RAPGEF2: variants seen among roughly 807,000 people sequenced by gnomAD.
RAPGEF2 encodes Rap guanine nucleotide exchange factor 2, also known as PDZ domain containing guanine nucleotide exchange factor (GEF) 1.
RAPGEF2 carries 54 observed loss-of-function variants against 186.7 expected under a neutral mutation model. The observed-to-expected ratio is 0.29, with a 90% CI of 0.23 to 0.36. The LOEUF (loss-of-function observed/expected upper bound fraction) is 0.36, where lower values mean the gene tolerates loss of function less well. Ranked by LOEUF, RAPGEF2 falls within the 10% of genes least tolerant of loss-of-function variation. The pLI is 1.00. For missense variants in RAPGEF2, 1,532 were observed against 2,045.0 expected, an observed-to-expected ratio of 0.75 and a Z score of 4.84; for synonymous variants, 712 against 705.9, an observed-to-expected ratio of 1.01 and a Z score of -0.14.
At chr4:159,275,629 A>G (rs1425729752) in intron 7 of RAPGEF2, among the ~76,000 whole-genome samples, 1 of 152,160 alleles carries the variant, frequency 6.6e-6, no homozygotes, top group Non-Finnish European at 1.5e-5. Context: ...TTTTGAGAAT[A>G]TACGCTCTAT....
At chr4:159,225,798 A>G (rs1249190615) in intron 4 of RAPGEF2, among the ~76,000 whole-genome samples, 1 of 151,740 alleles carries the variant, frequency 6.6e-6, no homozygotes, top group Non-Finnish European at 1.5e-5. Context: ...GTGTCAGTTC[A>G]CCTCTTCTGC....
At chr4:159,339,007 T>G in intron 18 of RAPGEF2, 107 bp from the exon 19 acceptor site, 1 of 1,346,984 alleles carries the variant, frequency 7.4e-7, no homozygotes, top group Middle Eastern at 2.0e-4. Flanking sequence ...AGGTAAAAGT[T>G]CAGCATTGCT....
At chr4:159,265,256 G>A (rs1757303458) in intron 7 of RAPGEF2, among the ~76,000 whole-genome samples, 1 of 152,202 alleles carries the variant, frequency 6.6e-6, no homozygotes, top group Non-Finnish European at 1.5e-5. Context: ...GGAGGTGAGA[G>A]TGTAGTGGAG....
intron 7 of RAPGEF2, among the ~76,000 whole-genome samples, chr4:159,273,642 CT>C (rs896338299): frequency 3.7e-5 from 4 of 109,568 alleles, no homozygotes; most frequent in Non-Finnish European, 5.8e-5. Context: ...TTCTTTCTTT[CT>C]TTCTTTCTTT....
rs72699303 is a variant in RAPGEF2, at chr4:159,126,364, C to A, written c.69+22133C>A. Among the ~76,000 whole-genome samples the A allele has an allele frequency of 5.5e-3, 830 of 152,206 alleles. 6 individuals are homozygous for A. Among genetic ancestry groups the A allele is most frequent in the Non-Finnish European group, 8.9e-3 (608 of 68,018 alleles). ...AAACCTTTGAAAGCCCAGTGTAAAG[C>A]AATTCATCATTCTTACCAAGCTGGG... is the stretch of plus-strand genomic sequence containing the variant. On this transcript the variant is annotated intron_variant, in intron 1 of 29. Transcript: ENST00000691494.
At chr4:159,257,181 T>G (rs1756274851) in intron 7 of RAPGEF2, among the ~76,000 whole-genome samples, 1 of 152,204 alleles carries the variant, frequency 6.6e-6, no homozygotes, top group South Asian at 2.1e-4. Flanking sequence ...TCTAGGATTG[T>G]TAATAGTTTT....
At chr4:159,202,100 G>A (rs1195543875) in intron 3 of RAPGEF2, among the ~76,000 whole-genome samples, 1 of 152,180 alleles carries the variant, frequency 6.6e-6, no homozygotes, top group Non-Finnish European at 1.5e-5. Context: ...GCTGTGTCGT[G>A]TGCTCGGCTC....
At chr4:159,326,629 C>T (rs947676857) in intron 11 of RAPGEF2, 7 of 152,300 alleles carry the variant, frequency 4.6e-5, no homozygotes, top group African/African-American at 1.7e-4. Context: ...CCAGTTCTCC[C>T]ACTTCAGTGT....
At chr4:159,301,343 C>T (rs1161759385) in intron 7 of RAPGEF2, among the ~76,000 whole-genome samples, 1 of 152,040 alleles carries the variant, frequency 6.6e-6, no homozygotes, top group Non-Finnish European at 1.5e-5. Flanking sequence ...CACACCCCAC[C>T]CGGGGCGAGG....
intron 1 of RAPGEF2, among the ~76,000 whole-genome samples, chr4:159,122,946 G>A (rs555073396): frequency 6.6e-5 from 10 of 152,156 alleles, no homozygotes; most frequent in South Asian, 2.1e-4. Flanking sequence ...CAGATAGGCA[G>A]TTCATCTAGC....
chr4:159,273,632 T>TTCTTTCTTTCTTTC (rs1758407238), intron 7 of RAPGEF2, among the ~76,000 whole-genome samples: 2 of 25,404 alleles, frequency 7.9e-5, no homozygotes, highest in African/African-American at 3.0e-4. Context: ...ATCAGTTTCT[T>TTCTTTCTTTCTTTC]TCTTTCTTTC....
chr4:159,201,639 A>ACT (rs1554009121), intron 3 of RAPGEF2, among the ~76,000 whole-genome samples: 1 of 152,194 alleles, frequency 6.6e-6, no homozygotes, highest in African/African-American at 2.4e-5. Context: ...GGGACCCTGA[A>ACT]CTGTAGCAAA....
At chr4:159,116,538 A>G (rs1193957466) in intron 1 of RAPGEF2, among the ~76,000 whole-genome samples, 2 of 152,230 alleles carry the variant, frequency 1.3e-5, no homozygotes, top group African/African-American at 2.4e-5. Context: ...ATATCATTTG[A>G]CCCAGCAATC....
intron 2 of RAPGEF2, among the ~76,000 whole-genome samples, chr4:159,191,956 G>A (rs746137934): frequency 3.3e-5 from 5 of 152,078 alleles, no homozygotes; most frequent in South Asian, 2.1e-4. Context: ...GCAGGAGCAC[G>A]GGGTCTTACA....
At chr4:159,226,448 A>C (rs1477369757) in intron 4 of RAPGEF2, among the ~76,000 whole-genome samples, 1 of 151,978 alleles carries the variant, frequency 6.6e-6, no homozygotes, top group Non-Finnish European at 1.5e-5. Flanking sequence ...TTTGTTCTTG[A>C]TTGTTTTTAT....
intron 1 of RAPGEF2, among the ~76,000 whole-genome samples, chr4:159,119,742 ATAT>A (rs1399931650): frequency 1.3e-5 from 2 of 152,226 alleles, no homozygotes; most frequent in Non-Finnish European, 2.9e-5. Context: ...TTACGTGTAA[ATAT>A]TATAAAACAC....
intron 6 of RAPGEF2, among the ~76,000 whole-genome samples, chr4:159,242,246 TA>T (rs1754105404): frequency 6.6e-6 from 1 of 151,754 alleles, no homozygotes; most frequent in Non-Finnish European, 1.5e-5. Flanking sequence ...ATAATACCAT[TA>T]AATGAGTGGT....
intron 3 of RAPGEF2, among the ~76,000 whole-genome samples, chr4:159,207,644 A>G (rs114340380): frequency 0.012 from 1,775 of 152,338 alleles, 31 homozygotes; most frequent in African/African-American, 0.04. Context: ...CCCAGGCCAC[A>G]TAGTTAGGAA....
intron 7 of RAPGEF2, among the ~76,000 whole-genome samples, chr4:159,247,833 G>T (rs1208173398): frequency 7.0e-6 from 1 of 141,848 alleles, no homozygotes; most frequent in East Asian, 2.0e-4. Context: ...GTGCAATCTG[G>T]CTCACCGCAA....
Sources: gnomAD v4.1 joint callset for allele counts (sites outside exome capture counted in the v4.1 genomes callset) on GRCh38, gnomAD v4.1.1 for gene constraint, MANE v1.5 for transcripts, NCBI Gene and HGNC (gene_info 2026-07-23, HGNC 2026-07-21) for gene names.